TMC2: variants seen among roughly 807,000 people sequenced by gnomAD.
TMC2 encodes transmembrane channel like 2, also known as transmembrane channel-like protein 2.
In TMC2, 102 loss-of-function variants were observed where a neutral mutation model predicts 105.9. That is an observed-to-expected ratio of 0.96 (90% CI 0.82 to 1.14). TMC2 has a LOEUF of 1.14. Ranked by LOEUF, TMC2 falls within the 50% of genes most tolerant of loss-of-function variation. The pLI, the probability that TMC2 is intolerant of heterozygous loss-of-function variation, is 0.00. For synonymous variants in TMC2, 402 were observed against 422.8 expected (o/e 0.95, Z 0.60); for missense variants, 1,093 against 1,134.3 (o/e 0.96, Z 0.52).
Position 2,597,329 on chromosome 20 carries a change from G to A in TMC2, c.1224+31G>A, listed in dbSNP as rs747883916. 4 of 1,606,988 alleles carry A rather than the reference G, an allele frequency of 2.5e-6. No homozygotes were observed. In the Admixed American group the frequency reaches 5.0e-5, roughly 20 times the overall value. ...CACCCCAGGGCAGTTCCCACTTCCGGAGAACTCTAGGTCCCTCTGGTCATT... is the reference window on the plus strand; with the variant it reads ...CACCCCAGGGCAGTTCCCACTTCCGAAGAACTCTAGGTCCCTCTGGTCATT... On this transcript the variant is annotated intron_variant, in intron 10 of 19. Coordinates refer to ENST00000358864, the MANE Select transcript of TMC2 (RefSeq NM_080751.3).
chr20:2,574,068 G>A (rs2122861515), intron 5 of TMC2, among the ~76,000 whole-genome samples: 1 of 152,246 alleles, frequency 6.6e-6, no homozygotes, highest in East Asian at 1.9e-4. Context: ...CTAAGCTGAT[G>A]GGAGTTGATG....
intron 16 of TMC2, among the ~76,000 whole-genome samples, chr20:2,621,982 C>T (rs551371126): frequency 4.6e-5 from 7 of 152,104 alleles, no homozygotes; most frequent in Non-Finnish European, 8.8e-5. Flanking sequence ...AAGCCTAACA[C>T]GTAAACTTAA....
chr20:2,538,965 T>TCTACTAGTGCTTCTCCTTAC (rs2085870376), intron 2 of TMC2, among the ~76,000 whole-genome samples: 1 of 152,228 alleles, frequency 6.6e-6, no homozygotes. Context: ...TCAGAATAGC[T>TCTACTAGTGCTTCTCCTTAC]ACAGTTTGTT....
At chr20:2,574,532 A>T (rs2086129198) in intron 5 of TMC2, among the ~76,000 whole-genome samples, 1 of 152,198 alleles carries the variant, frequency 6.6e-6, no homozygotes, top group South Asian at 2.1e-4. Flanking sequence ...TTTATAGAAT[A>T]CCTTGAAATT....
At chr20:2,615,371 T>G (rs896974075) in intron 14 of TMC2, among the ~76,000 whole-genome samples, 1 of 152,254 alleles carries the variant, frequency 6.6e-6, no homozygotes, top group African/African-American at 2.4e-5. Flanking sequence ...TATGCATGTT[T>G]CCTTCTTCCA....
intron 16 of TMC2, among the ~76,000 whole-genome samples, chr20:2,621,933 AT>A (rs1600136813): frequency 6.6e-6 from 1 of 152,200 alleles, no homozygotes; most frequent in Non-Finnish European, 1.5e-5. Flanking sequence ...ACACCATCTA[AT>A]TCAACGACAA....
At chr20:2,633,639 A>G (rs4398331) in intron 17 of TMC2, among the ~76,000 whole-genome samples, 115,185 of 152,072 alleles carry the variant, frequency 0.76, 43,756 homozygotes, top group East Asian at 0.87. Context: ...AAATAATGAC[A>G]GTTCTCTGGG....
chr20:2,589,934 G>T lies in TMC2; in HGVS notation c.835-2376G>T, dbSNP rs559999645. Among the ~76,000 whole-genome samples, 7 of 152,288 alleles carry T rather than the reference G, an allele frequency of 4.6e-5. No individual in the cohort carries two copies. In the South Asian group the frequency reaches 1.4e-3, roughly 32 times the overall value. The stretch of plus-strand genomic sequence containing the variant: ...TCTGCCCACCTCGGCTTCCCAAAGT[G>T]CTGGGATTACAGGCATGAGCCACCG... On this transcript the variant is annotated intron_variant, in intron 7 of 19. Transcript: ENST00000358864.
chr20:2,620,065 C>T (rs1203664217), intron 16 of TMC2, among the ~76,000 whole-genome samples: 1 of 151,784 alleles, frequency 6.6e-6, no homozygotes, highest in Non-Finnish European at 1.5e-5. Flanking sequence ...GGCAACATAG[C>T]AAGGCTCTGC....
intron 19 of TMC2, among the ~76,000 whole-genome samples, chr20:2,640,430 G>A (rs367860125): frequency 4.6e-5 from 7 of 152,288 alleles, no homozygotes; most frequent in Admixed American, 2.0e-4. Context: ...TAGTGGCTCA[G>A]ACACCATAAA....
chr20:2,561,835 C>A (rs749597527), intron 3 of TMC2, 23 bp from the exon 4 acceptor site: 13 of 1,606,586 alleles, frequency 8.1e-6, no homozygotes, highest in Middle Eastern at 1.8e-4. Flanking sequence ...TTCCCTCTGC[C>A]TCCGCCCTGG....
chr20:2,562,123 C>T, intron 4 of TMC2, 113 bp downstream of exon 4: 2 of 1,303,186 alleles, frequency 1.5e-6, no homozygotes, highest in South Asian at 1.5e-5. Context: ...GGGGGCTGCT[C>T]CAGCGAGGAC....
At chr20:2,584,974 TCTCCCAG>T (rs2086222478) in intron 7 of TMC2, among the ~76,000 whole-genome samples, 1 of 152,180 alleles carries the variant, frequency 6.6e-6, no homozygotes, top group Non-Finnish European at 1.5e-5. Context: ...AGCAATCTCC[TCTCCCAG>T]CTCCCAGCCC....
At chr20:2,545,969 TCTTA>T (rs2085924092) in intron 2 of TMC2, among the ~76,000 whole-genome samples, 1 of 151,962 alleles carries the variant, frequency 6.6e-6, no homozygotes, top group Admixed American at 6.6e-5. Context: ...AAAACTAATG[TCTTA>T]CTTGTAAGAT....
At chr20:2,605,493 C>CGAGAGAGA (rs2086384100) in intron 11 of TMC2, among the ~76,000 whole-genome samples, 1 of 152,062 alleles carries the variant, frequency 6.6e-6, no homozygotes, top group East Asian at 1.9e-4. Flanking sequence ...AGAGAGAGAT[C>CGAGAGAGA]TCTGGTATCT....
chr20:2,637,641 T>C, intron 19 of TMC2, 50 bp downstream of exon 19: 2 of 1,273,764 alleles, frequency 1.6e-6, no homozygotes, highest in Non-Finnish European at 2.3e-6. Flanking sequence ...CATGGAAAGG[T>C]GTAAAGAGCC....
chr20:2,606,884 C>CTTTTTTTTTTT (rs1276064402), intron 11 of TMC2, among the ~76,000 whole-genome samples: 2 of 88,254 alleles, frequency 2.3e-5, no homozygotes, highest in African/African-American at 1.2e-4. Context: ...CCCTTAATTT[C>CTTTTTTTTTTT]TTTTTTCTTT....
chr20:2,545,711 GGAA>G (rs568292253), intron 2 of TMC2, among the ~76,000 whole-genome samples: 98 of 129,742 alleles, frequency 7.6e-4, no homozygotes, highest in African/African-American at 2.2e-3. Context: ...GAAAGAAGAA[GGAA>G]GAAGAAGATG....
intron 2 of TMC2, among the ~76,000 whole-genome samples, chr20:2,551,777 G>A (rs909611966): frequency 1.3e-5 from 2 of 151,996 alleles, no homozygotes; most frequent in African/African-American, 2.4e-5. Context: ...CATCGTCAAA[G>A]GTTGGCTATA....
Sources: allele counts gnomAD v4.1 joint callset (sites outside exome capture counted in the v4.1 genomes callset), GRCh38; gene constraint gnomAD v4.1.1; transcripts MANE v1.5; gene names NCBI Gene and HGNC (gene_info 2026-07-23, HGNC 2026-07-21).